Variants in MAP3K20 observed in about 807,000 individuals in gnomAD.
MAP3K20 encodes the protein HCCS-4.
In MAP3K20, 40 loss-of-function variants were observed where a neutral mutation model predicts 85.7. That is an observed-to-expected ratio of 0.47 (90% confidence interval 0.36 to 0.61). MAP3K20 has a LOEUF of 0.61. Among genes scored for constraint, MAP3K20 ranks in the 20% least tolerant of loss-of-function variants. The pLI is 0.00. For missense variants in MAP3K20, 817 were observed against 961.7 expected, an observed-to-expected ratio of 0.85 and a Z score of 1.99; for synonymous variants, 325 against 327.7, an observed-to-expected ratio of 0.99 and a Z score of 0.09.
In MAP3K20 at chr2:173,075,852, G is replaced by C. The variant is rs1686831165; in HGVS notation, c.-185G>C. 1.0e-6 allele frequency: 1 copy of C among 985,168 alleles called. No homozygotes were observed. The highest frequency in any genetic ancestry group is 1.7e-5 in the African/African-American group (1 of 57,198). The allele number at this position is 985,168 out of a possible 1,614,324, so 61.0% of individuals were successfully genotyped here. ...TGTTGCCGTGACTGTCTTCCTCATTGGCGCCGTGCAGAGAGGCGGAATGTT... is the reference window on the plus strand; with the variant it reads ...TGTTGCCGTGACTGTCTTCCTCATTCGCGCCGTGCAGAGAGGCGGAATGTT... On this transcript the variant is annotated 5_prime_UTR_variant, in exon 1 of 20. Transcript: ENST00000375213.
intron 2 of MAP3K20, among the ~76,000 whole-genome samples, chr2:173,164,798 G>A (rs559218992): frequency 6.6e-4 from 101 of 152,248 alleles, no homozygotes; most frequent in Non-Finnish European, 1.1e-3. Flanking sequence ...TGAATCAGTC[G>A]TTTGGAACCT....
intron 2 of MAP3K20, among the ~76,000 whole-genome samples, chr2:173,120,428 C>T (rs1461561856): frequency 6.6e-6 from 1 of 151,950 alleles, no homozygotes; most frequent in Non-Finnish European, 1.5e-5. Flanking sequence ...TGTTTAGCAA[C>T]AACCCAATAT....
intron 11 of MAP3K20, chr2:173,226,230 A>C (rs1191268008): frequency 1.0e-6 from 1 of 985,420 alleles, no homozygotes. Flanking sequence ...ATGACCTCCC[A>C]GAATTACTGT....
At chr2:173,221,963 CT>C (rs889101225) in intron 11 of MAP3K20, 74 of 982,444 alleles carry the variant, frequency 7.5e-5, no homozygotes, top group Middle Eastern at 5.2e-4. Flanking sequence ...CTGTGACATA[CT>C]TTTTTTTTCT....
At chr2:173,158,073 T>C (rs1363996163) in intron 2 of MAP3K20, among the ~76,000 whole-genome samples, 3 of 152,234 alleles carry the variant, frequency 2.0e-5, no homozygotes, top group Non-Finnish European at 4.4e-5. Flanking sequence ...TGCCATTTCT[T>C]GTACCCTCGG....
chr2:173,265,958 A>C (rs1685408899), intron 19 of MAP3K20, 92 bp from the exon 20 acceptor site: 3 of 1,343,208 alleles, frequency 2.2e-6, no homozygotes, highest in South Asian at 2.8e-5. Flanking sequence ...AGAGCATCCC[A>C]AACAGCCCTG....
chr2:173,180,395 G>A (rs905662349), intron 3 of MAP3K20, among the ~76,000 whole-genome samples: 1 of 152,140 alleles, frequency 6.6e-6, no homozygotes, highest in African/African-American at 2.4e-5. Flanking sequence ...TGCCAGGGCC[G>A]GGTGTGGTGG....
At chr2:173,262,555 G>A (rs749800652) in intron 18 of MAP3K20, among the ~76,000 whole-genome samples, 12 of 151,736 alleles carry the variant, frequency 7.9e-5, no homozygotes, top group Admixed American at 1.3e-4. Flanking sequence ...AGCTGAGATT[G>A]CGCCATTGCA....
At chr2:173,144,559 G>A (rs1448869405) in intron 2 of MAP3K20, among the ~76,000 whole-genome samples, 4 of 48,074 alleles carry the variant, frequency 8.3e-5, no homozygotes, top group East Asian at 2.5e-4. Flanking sequence ...AGCTGGGAGT[G>A]GGGGGGCATG....
intron 2 of MAP3K20, among the ~76,000 whole-genome samples, chr2:173,123,799 A>C (rs1688365702): frequency 6.6e-6 from 1 of 152,144 alleles, no homozygotes; most frequent in African/African-American, 2.4e-5. Context: ...TATTTCTGGA[A>C]ATAGTAGCTC....
At chr2:173,221,963 C>CT (rs889101225) in intron 11 of MAP3K20, 19 of 982,396 alleles carry the variant, frequency 1.9e-5, no homozygotes, top group African/African-American at 7.0e-5. Context: ...CTGTGACATA[C>CT]TTTTTTTTTC....
intron 2 of MAP3K20, among the ~76,000 whole-genome samples, chr2:173,113,968 CTA>C (rs1313920480): frequency 6.6e-6 from 1 of 151,890 alleles, no homozygotes; most frequent in African/African-American, 2.4e-5. Context: ...GATGACCTGT[CTA>C]GTGCTGTCGG....
At chr2:173,092,435 T>G (rs1417761397) in intron 2 of MAP3K20, among the ~76,000 whole-genome samples, 1 of 152,240 alleles carries the variant, frequency 6.6e-6, no homozygotes, top group Non-Finnish European at 1.5e-5. Flanking sequence ...ATCAATTCTT[T>G]AAGTCCTTTA....
chr2:173,209,943 T>G, intron 10 of MAP3K20, 108 bp downstream of exon 10: 2 of 994,916 alleles, frequency 2.0e-6, no homozygotes, highest in Non-Finnish European at 3.1e-6. Context: ...TTTCTGACCA[T>G]AGCTTAGGGA....
At chr2:173,199,505 G>A (rs1690964354) in intron 8 of MAP3K20, among the ~76,000 whole-genome samples, 1 of 152,144 alleles carries the variant, frequency 6.6e-6, no homozygotes, top group Non-Finnish European at 1.5e-5. Flanking sequence ...ACTTGTTTCT[G>A]TTGTATTTCT....
At chr2:173,093,274 A>G (rs1687354259) in intron 2 of MAP3K20, among the ~76,000 whole-genome samples, 1 of 152,226 alleles carries the variant, frequency 6.6e-6, no homozygotes, top group African/African-American at 2.4e-5. Context: ...CCAAATTTAT[A>G]GATCCAGTTC....
chr2:173,163,411 G>A lies in MAP3K20; in HGVS notation c.160-6394G>A, dbSNP rs530262639. Among the ~76,000 whole-genome samples the A allele has an allele frequency of 5.9e-5, 9 of 152,306 alleles. No homozygotes were observed. The South Asian group carries it at 1.0e-3, about 18-fold the overall frequency. ...TCTGTTCCTGCCTTTGCTCACTTAG[G>A]ATAATGGCCTCCAGCTCCATCCATG... On this transcript the variant is annotated intron_variant, in intron 2 of 19. Coordinates refer to ENST00000375213, the MANE Select transcript of MAP3K20 (RefSeq NM_016653.3).
chr2:173,183,700 A>T (rs1690399082), intron 4 of MAP3K20, among the ~76,000 whole-genome samples: 1 of 152,130 alleles, frequency 6.6e-6, no homozygotes, highest in African/African-American at 2.4e-5. Context: ...ACCGATAGTT[A>T]TATTTGTATT....
intron 2 of MAP3K20, among the ~76,000 whole-genome samples, chr2:173,104,035 G>A (rs1290342403): frequency 2.0e-5 from 3 of 152,092 alleles, no homozygotes; most frequent in Non-Finnish European, 1.5e-5. Context: ...CAAATGTGGG[G>A]AATAAGAAAA....
Sources: gnomAD v4.1 joint callset for allele counts (sites outside exome capture counted in the v4.1 genomes callset) on GRCh38, gnomAD v4.1.1 for gene constraint, MANE v1.5 for transcripts, NCBI Gene and HGNC (gene_info 2026-07-23, HGNC 2026-07-21) for gene names.